The following AUTS2 variants were observed in gnomAD, a reference collection of about 807,000 sequenced individuals.
AUTS2 encodes the protein autism susceptibility gene 2 protein.
A neutral mutation model predicts 112.4 loss-of-function variants in AUTS2; 17 were observed. That is an observed-to-expected ratio of 0.15 (90% confidence interval 0.10 to 0.23). The LOEUF (loss-of-function observed/expected upper bound fraction) is 0.23. Ranked by LOEUF, AUTS2 falls within the 10% of genes least tolerant of loss-of-function variation. The probability of loss-of-function intolerance (pLI) is 1.00; values close to 1 mark genes in which losing one functional copy is unlikely to be tolerated. For missense variants in AUTS2, 1,510 were observed against 1,701.6 expected, an observed-to-expected ratio of 0.89 and a Z score of 1.98; for synonymous variants, 751 against 702.7, an observed-to-expected ratio of 1.07 and a Z score of -1.09.
intron 1 of AUTS2, among the ~76,000 whole-genome samples, chr7:69,725,227 A>G (rs1438362430): frequency 1.3e-5 from 2 of 152,152 alleles, no homozygotes; most frequent in African/African-American, 4.8e-5. Flanking sequence ...TATATCAAAC[A>G]CTTACTGTAT....
intron 6 of AUTS2, among the ~76,000 whole-genome samples, chr7:70,702,689 A>C (rs2129547947): frequency 6.6e-6 from 1 of 152,170 alleles, no homozygotes; most frequent in Middle Eastern, 3.4e-3. Context: ...GCAGCTGCTC[A>C]CCCTCGTAGG....
chr7:70,036,549 C>T (rs1201003875), intron 2 of AUTS2, among the ~76,000 whole-genome samples: 2 of 152,146 alleles, frequency 1.3e-5, no homozygotes, highest in Non-Finnish European at 2.9e-5. Flanking sequence ...CTCTCTCTGC[C>T]CCACTGGGAT....
intron 4 of AUTS2, among the ~76,000 whole-genome samples, chr7:70,347,792 G>A (rs921170276): frequency 6.6e-6 from 1 of 152,122 alleles, no homozygotes; most frequent in Admixed American, 6.5e-5. Flanking sequence ...GTCAGGGAGG[G>A]GATGCAGGGA....
chr7:70,524,217 C>T (rs73704488), intron 5 of AUTS2, among the ~76,000 whole-genome samples: 3 of 152,128 alleles, frequency 2.0e-5, no homozygotes, highest in Admixed American at 6.5e-5. Context: ...CAGAAAGGAA[C>T]CATGCAGATG....
At chr7:69,984,232 C>T (rs984185064) in intron 2 of AUTS2, among the ~76,000 whole-genome samples, 14 of 151,704 alleles carry the variant, frequency 9.2e-5, no homozygotes, top group Non-Finnish European at 2.1e-4. Context: ...GGTGAAACCC[C>T]GTCTCTACTA....
In AUTS2 at chr7:70,791,298, A is replaced by C; in HGVS notation, c.*302A>C. ...GACAACACACACCAATTGGATGATA[A>C]TTGTAGCGGGGGCGGTGGGGGGGAG... On this transcript the variant is annotated 3_prime_UTR_variant, in exon 19 of 19. Transcript: ENST00000342771. 3.4e-5 allele frequency: 4 copies of C among 116,824 alleles called. No individual in the cohort carries two copies. The highest frequency in any genetic ancestry group is 6.5e-5 in the Non-Finnish European group (4 of 61,640). The allele number at this position is 116,824 out of a possible 1,614,324, so 7.2% of individuals were successfully genotyped here. A position where few individuals can be genotyped will look rare whatever the true frequency, so the allele number is the denominator to read the frequency against.
intron 4 of AUTS2, among the ~76,000 whole-genome samples, chr7:70,396,041 A>C (rs1794066485): frequency 6.6e-6 from 1 of 152,242 alleles, no homozygotes; most frequent in Admixed American, 6.5e-5. Context: ...TTTTAAAAGC[A>C]GCTTTATTGT....
At chr7:69,775,439 G>A (rs1366339494) in intron 1 of AUTS2, among the ~76,000 whole-genome samples, 1 of 152,122 alleles carries the variant, frequency 6.6e-6, no homozygotes, top group Non-Finnish European at 1.5e-5. Context: ...CATCTAGGCT[G>A]CATTTTTAAA....
At chr7:69,815,433 A>G (rs1398472506) in intron 1 of AUTS2, among the ~76,000 whole-genome samples, 1 of 152,156 alleles carries the variant, frequency 6.6e-6, no homozygotes, top group Non-Finnish European at 1.5e-5. Context: ...TACCTTTGGA[A>G]TGATAGATCT....
chr7:69,893,138 T>G (rs1364373915), intron 1 of AUTS2, among the ~76,000 whole-genome samples: 2 of 152,218 alleles, frequency 1.3e-5, no homozygotes, highest in African/African-American at 4.8e-5. Context: ...ATGCACATAG[T>G]AGGTGTTTTG....
intron 4 of AUTS2, among the ~76,000 whole-genome samples, chr7:70,367,267 A>C (rs1407769670): frequency 1.3e-5 from 2 of 151,868 alleles, no homozygotes; most frequent in Non-Finnish European, 2.9e-5. Context: ...TGTCTCAAAA[A>C]ACAAAAAGGC....
At chr7:69,754,046 G>A (rs1290644703) in intron 1 of AUTS2, among the ~76,000 whole-genome samples, 1 of 152,198 alleles carries the variant, frequency 6.6e-6, no homozygotes, top group Non-Finnish European at 1.5e-5. Flanking sequence ...GCAGAGCTTG[G>A]ATCTGCCTTG....
intron 1 of AUTS2, among the ~76,000 whole-genome samples, chr7:69,896,893 A>G (rs1256307374): frequency 6.6e-6 from 1 of 151,778 alleles, no homozygotes; most frequent in Admixed American, 6.6e-5. Context: ...CTCAGCTCTA[A>G]CCCTCTCCTC....
In AUTS2 at chr7:69,616,892, A is replaced by G. The variant is rs1037677079; in HGVS notation, c.309+16930A>G. 8.5e-5 allele frequency among the ~76,000 whole-genome samples: 13 copies of G among 152,264 alleles called. No homozygotes were observed. In the South Asian group the frequency reaches 1.5e-3, roughly 17 times the overall value. ...ATTACATTCTCTTTGAGAAGAAAAA[A>G]GTGTCTGGATTTGTTTATTCTTTCA... On this transcript the variant is annotated intron_variant, in intron 1 of 18. Transcript: ENST00000342771.
chr7:70,183,840 T>C (rs1809457841), intron 4 of AUTS2, among the ~76,000 whole-genome samples: 1 of 151,752 alleles, frequency 6.6e-6, no homozygotes, highest in Non-Finnish European at 1.5e-5. Context: ...TTTCTTTTTT[T>C]TTTTTTTTTG....
At chr7:70,721,089 A>G (rs1459807969) in intron 6 of AUTS2, among the ~76,000 whole-genome samples, 1 of 151,542 alleles carries the variant, frequency 6.6e-6, no homozygotes, top group Non-Finnish European at 1.5e-5. Context: ...TTTTTTAATA[A>G]TAATAATAAT....
At chr7:70,695,775 CCAAAAAAA>C (rs1398268202) in intron 5 of AUTS2, among the ~76,000 whole-genome samples, 1 of 151,938 alleles carries the variant, frequency 6.6e-6, no homozygotes, top group East Asian at 1.9e-4. Context: ...TTTTTTACAT[CCAAAAAAA>C]CAAAAAAACA....
At chr7:70,542,315 G>A (rs1194617129) in intron 5 of AUTS2, among the ~76,000 whole-genome samples, 1 of 152,156 alleles carries the variant, frequency 6.6e-6, no homozygotes, top group African/African-American at 2.4e-5. Context: ...ATTGGTTAAC[G>A]TAGTAGGTTA....
intron 1 of AUTS2, among the ~76,000 whole-genome samples, chr7:69,758,309 G>T (rs754099730): frequency 1.3e-5 from 2 of 152,188 alleles, no homozygotes; most frequent in African/African-American, 2.4e-5. Flanking sequence ...GTTCACAATA[G>T]ATTTAGATTG....
Sources: gnomAD v4.1 joint callset for allele counts (sites outside exome capture counted in the v4.1 genomes callset) on GRCh38, gnomAD v4.1.1 for gene constraint, MANE v1.5 for transcripts, NCBI Gene and HGNC (gene_info 2026-07-23, HGNC 2026-07-21) for gene names.